The following ADGRB3 variants were observed in gnomAD, a reference collection of about 807,000 sequenced individuals.
ADGRB3 encodes the protein brain-specific angiogenesis inhibitor 3.
ADGRB3 carries 37 observed loss-of-function variants against 193.4 expected under a neutral mutation model. That is an observed-to-expected ratio of 0.19 (90% confidence interval 0.15 to 0.25). The LOEUF (loss-of-function observed/expected upper bound fraction) is 0.25, where lower values mean the gene tolerates loss of function less well. ADGRB3 is among the 10% of genes least tolerant of loss of function. The probability of loss-of-function intolerance (pLI) is 1.00; values close to 1 mark genes in which losing one functional copy is unlikely to be tolerated. For synonymous variants in ADGRB3, 690 were observed against 644.2 expected (o/e 1.07, Z -1.08); for missense variants, 1,637 against 1,852.9 (o/e 0.88, Z 2.14).
intron 11 of ADGRB3, among the ~76,000 whole-genome samples, chr6:69,000,716 C>T (rs1211920251): frequency 6.6e-6 from 1 of 152,196 alleles, no homozygotes; most frequent in African/African-American, 2.4e-5. Flanking sequence ...TAGAAAAGTG[C>T]ACATTGGCCA....
chr6:69,020,371 G>C (rs1770227639), intron 13 of ADGRB3, among the ~76,000 whole-genome samples: 1 of 151,906 alleles, frequency 6.6e-6, no homozygotes, highest in Non-Finnish European at 1.5e-5. Context: ...CTCTATAGCT[G>C]TATTATTTGC....
At chr6:69,061,916 T>A (rs1771761485) in intron 15 of ADGRB3, among the ~76,000 whole-genome samples, 1 of 151,942 alleles carries the variant, frequency 6.6e-6, no homozygotes, top group Non-Finnish European at 1.5e-5. Context: ...TAGTATATTA[T>A]CCAAAGAATT....
At chr6:69,317,933 A>C (rs1768353466) in intron 20 of ADGRB3, among the ~76,000 whole-genome samples, 1 of 151,516 alleles carries the variant, frequency 6.6e-6, no homozygotes, top group Admixed American at 6.6e-5. Context: ...ATAGGAAATA[A>C]AATTTTATAT....
At chr6:68,774,651 T>C (rs894570402) in intron 3 of ADGRB3, among the ~76,000 whole-genome samples, 10 of 152,090 alleles carry the variant, frequency 6.6e-5, no homozygotes, top group African/African-American at 2.2e-4. Flanking sequence ...TAGTGATCTT[T>C]CTGTTCAGAA....
intron 20 of ADGRB3, among the ~76,000 whole-genome samples, chr6:69,243,145 G>T (rs543127558): frequency 4.0e-5 from 6 of 151,836 alleles, no homozygotes; most frequent in African/African-American, 1.2e-4. Context: ...GTTAGATAAG[G>T]ATAACCACCC....
chr6:68,812,335 T>TTC (rs1195285406), intron 3 of ADGRB3, among the ~76,000 whole-genome samples: 2 of 151,916 alleles, frequency 1.3e-5, no homozygotes, highest in African/African-American at 4.8e-5. Flanking sequence ...ATATATCTTT[T>TTC]TTTTTATTTC....
At position 68,649,650 on chromosome 6, in the gene ADGRB3, A is replaced by T. The variant is rs548422606; in HGVS notation, c.757+10218A>T. On this transcript the variant is annotated intron_variant, in intron 3 of 31. Coordinates refer to ENST00000370598, the MANE Select transcript of ADGRB3 (RefSeq NM_001704.3). ...GAGTCTGTATAGATTTACTAAGACAATCTATCTTGGATTTTTACTTTATTA... is the reference window on the plus strand; with the variant it reads ...GAGTCTGTATAGATTTACTAAGACATTCTATCTTGGATTTTTACTTTATTA... Among the ~76,000 whole-genome samples the T allele has an allele frequency of 1.4e-4, 21 of 152,326 alleles. No homozygotes were observed. The South Asian group carries it at 4.1e-3, about 30-fold the overall frequency.
intron 20 of ADGRB3, among the ~76,000 whole-genome samples, chr6:69,261,162 G>T (rs1443953649): frequency 6.6e-6 from 1 of 152,114 alleles, no homozygotes; most frequent in Non-Finnish European, 1.5e-5. Context: ...TAGCAGCAAG[G>T]CTAATCTATA....
intron 31 of ADGRB3, 149 bp from the exon 32 acceptor site, chr6:69,388,554 C>A: frequency 2.8e-6 from 2 of 707,664 alleles, no homozygotes; most frequent in Non-Finnish European, 4.5e-6. Context: ...AAAATCAAAA[C>A]TATTTCCCAC....
chr6:69,112,779 A>G (rs958294587), intron 17 of ADGRB3, among the ~76,000 whole-genome samples: 1 of 150,832 alleles, frequency 6.6e-6, no homozygotes, highest in Middle Eastern at 3.4e-3. Context: ...TTTTTTTGAG[A>G]TGGAGTCTTG....
chr6:69,138,991 A>G (rs1774233295), intron 17 of ADGRB3, among the ~76,000 whole-genome samples: 1 of 152,244 alleles, frequency 6.6e-6, no homozygotes. Flanking sequence ...CCTAAGCCCA[A>G]GAATTTCTAT....
chr6:69,003,404 A>G (rs1214048248), intron 11 of ADGRB3, among the ~76,000 whole-genome samples: 1 of 152,168 alleles, frequency 6.6e-6, no homozygotes, highest in Non-Finnish European at 1.5e-5. Context: ...TGGAAACAAA[A>G]AAAAGCAGCA....
At chr6:68,990,395 C>T (rs895918279) in intron 10 of ADGRB3, among the ~76,000 whole-genome samples, 1 of 152,000 alleles carries the variant, frequency 6.6e-6, no homozygotes, top group South Asian at 2.1e-4. Flanking sequence ...GGTAGTTGTC[C>T]CGAGTGCTTT....
At chr6:68,643,705 G>A (rs943590062) in intron 3 of ADGRB3, among the ~76,000 whole-genome samples, 7 of 151,470 alleles carry the variant, frequency 4.6e-5, no homozygotes, top group Non-Finnish European at 7.4e-5. Context: ...AGGCCGAAGC[G>A]GGTGGACCAT....
chr6:68,891,273 G>A (rs1361311127), intron 3 of ADGRB3, among the ~76,000 whole-genome samples: 1 of 152,080 alleles, frequency 6.6e-6, no homozygotes. Context: ...GGGAATTATG[G>A]GAGCTACGAG....
intron 20 of ADGRB3, among the ~76,000 whole-genome samples, chr6:69,253,059 A>G (rs1766658508): frequency 6.6e-6 from 1 of 152,002 alleles, no homozygotes; most frequent in East Asian, 1.9e-4. Context: ...TCCTTTTCCC[A>G]TTAAATTGCT....
At chr6:69,230,848 C>T (rs1338582033) in intron 17 of ADGRB3, among the ~76,000 whole-genome samples, 1 of 152,106 alleles carries the variant, frequency 6.6e-6, no homozygotes, top group Non-Finnish European at 1.5e-5. Flanking sequence ...TATATATCTT[C>T]TTTTAAATTT....
At chr6:69,346,861 C>T (rs992049271) in intron 26 of ADGRB3, among the ~76,000 whole-genome samples, 1 of 152,104 alleles carries the variant, frequency 6.6e-6, no homozygotes, top group Non-Finnish European at 1.5e-5. Flanking sequence ...GGGGTACATA[C>T]CGAAAGGATT....
In ADGRB3 at chr6:68,638,728, T is replaced by G; in HGVS notation, c.53T>G (p.Val18Gly). The G allele has an allele frequency of 6.2e-7, 1 of 1,614,120 alleles. No individual in the cohort carries two copies. The highest frequency in any genetic ancestry group is 8.5e-7 in the Non-Finnish European group (1 of 1,180,012). The change falls in exon 3 of 32, where the codon GTT (valine) becomes GGT (glycine). Residue 18 changes from valine (V) to glycine (G), a missense_variant. Transcript: ENST00000370598. ...TATATATTTTCCACCTATCTCCTGG[T>G]TATGTTTGGATTTAATGCTGCCCAA... ...LIYIFSTYLL[V>G]MFGFNAAQDF...
Sources: allele counts gnomAD v4.1 joint callset (sites outside exome capture counted in the v4.1 genomes callset), GRCh38; gene constraint gnomAD v4.1.1; transcripts MANE v1.5; gene names NCBI Gene and HGNC (gene_info 2026-07-23, HGNC 2026-07-21).